The following NEK1 variants were observed in gnomAD, a reference collection of about 807,000 sequenced individuals.
The protein encoded by NEK1 is NIMA related kinase 1.
A neutral mutation model predicts 182.1 loss-of-function variants in NEK1; 137 were observed. The ratio of observed to expected loss-of-function variants is 0.75; its 90% CI spans 0.65 to 0.87. The LOEUF (loss-of-function observed/expected upper bound fraction) is 0.87. Among genes scored for constraint, NEK1 ranks in the 40% least tolerant of loss-of-function variants. NEK1 has a pLI of 0.00. For missense variants in NEK1, 1,391 were observed against 1,494.4 expected (o/e 0.93, Z 1.14); for synonymous variants, 513 against 492.2 (o/e 1.04, Z -0.56).
At chr4:169,426,090 G>C in intron 30 of NEK1, 56 bp downstream of exon 30, 1 of 1,291,940 alleles carries the variant, frequency 7.7e-7, no homozygotes, top group South Asian at 1.3e-5. Flanking sequence ...ACAGGTTGAT[G>C]TTAATAATCA....
Position 169,497,133 on chromosome 4 carries a change from G to A in NEK1, c.2007+9904C>T, listed in dbSNP as rs975347128. 2.0e-5 allele frequency among the ~76,000 whole-genome samples: 3 copies of A among 152,230 alleles called. No homozygotes were observed. The South Asian group carries it at 6.2e-4, about 32-fold the overall frequency. On this transcript the variant is annotated intron_variant, in intron 23 of 35. Coordinates refer to ENST00000507142, the MANE Select transcript of NEK1 (RefSeq NM_001199397.3). ...CAACTTCTTCCTGGTTTAGTCTTGG[G>A]AGGGTGTATGTGTCGAGGAATTTAT...
chr4:169,606,121 T>A (rs938993598), intron 2 of NEK1, among the ~76,000 whole-genome samples: 1 of 151,686 alleles, frequency 6.6e-6, no homozygotes. Context: ...CTGTTTAGAA[T>A]TGTACTCTTA....
chr4:169,524,461 CA>C (rs953408098), intron 19 of NEK1, among the ~76,000 whole-genome samples: 1,433 of 50,592 alleles, frequency 0.028, 11 homozygotes, highest in African/African-American at 0.053. Context: ...AATTCCATCT[CA>C]AAAAAAAAAA....
In NEK1 at chr4:169,433,403, A is replaced by G. The variant is rs75739350; in HGVS notation, c.2885+142T>C. 843 of 759,590 alleles carry G rather than the reference A, an allele frequency of 1.1e-3. 9 individuals carry two copies. In the African/African-American group the frequency reaches 0.014, roughly 12 times the overall value. The allele number at this position is 759,590 out of a possible 1,614,324, so 47.1% of individuals were successfully genotyped here. A position where few individuals can be genotyped will look rare whatever the true frequency, so the allele number is the denominator to read the frequency against. The stretch of plus-strand genomic sequence containing the variant: ...ACTTGTTTATTTCTGAACCATATGA[A>G]TATCTATTCAAATTAAGTTCCTTTT... On this transcript the variant is annotated intron_variant, in intron 29 of 35. Transcript: ENST00000507142.
chr4:169,561,727 A>G lies in NEK1; in HGVS notation c.1151T>C (p.Leu384Ser), dbSNP rs1261116806. The G allele has an allele frequency of 1.3e-6, 2 of 1,576,450 alleles. No individual in the cohort carries two copies. The highest frequency in any genetic ancestry group is 1.7e-6 in the Non-Finnish European group (2 of 1,159,042). ...CCTTTTCATTTGTTCAGCCTTCATTAAACTAATAATCTGTAACAATTTTAA... is the reference window on the plus strand; with the variant it reads ...CCTTTTCATTTGTTCAGCCTTCATTGAACTAATAATCTGTAACAATTTTAA... Reference protein sequence around the residue: ...EKKQKDQIISLMKAEQMKRQE... With the variant: ...EKKQKDQIISSMKAEQMKRQE... Residue 384 changes from leucine to serine, a missense_variant, in exon 15 of 36, where the codon TTA becomes TCA. Around this residue, in one of 5 missense-constraint regions of NEK1, gnomAD observed 1,216 missense variants for 1,277.6 expected, o/e 0.95. Coordinates refer to ENST00000507142, the MANE Select transcript of NEK1 (RefSeq NM_001199397.3).
rs749428135 is a variant in NEK1 at position 169,477,124 on chromosome 4, T to A, written c.2434A>T (p.Arg812Ter). The A allele has an allele frequency of 1.9e-6, 3 of 1,578,990 alleles. No individual in the cohort carries two copies. The highest frequency in any genetic ancestry group is 1.7e-6 in the Non-Finnish European group (2 of 1,157,840). The part of the protein sequence containing the change: ...TLDTSFSTTE[R>*]HTVGEVIKLG... ...GATATTAATATACTACTATACATACTTTCAGTTGTAGAGAAGGATGTATCT... is the reference window on the plus strand; with the variant it reads ...GATATTAATATACTACTATACATACATTCAGTTGTAGAGAAGGATGTATCT... Residue 812 changes from arginine to a stop codon, truncating the protein, a stop_gained and splice_region_variant, in exon 26 of 36, where the codon AGA becomes TGA. Coordinates refer to ENST00000507142, the MANE Select transcript of NEK1 (RefSeq NM_001199397.3). LOFTEE classifies it high-confidence loss of function.
chr4:169,556,104 T>C lies in NEK1; in HGVS notation c.1267-9A>G. On this transcript the variant is annotated splice_polypyrimidine_tract_variant and intron_variant, in intron 16 of 35. Transcript: ENST00000507142. ...CTGCCCAGAAAAGGAGCCTAGGGAT[T>C]AAACAAAGAGCTCTCACATGTTTAT... 2 of 1,608,126 alleles carry C rather than the reference T, an allele frequency of 1.2e-6. No individual in the cohort carries two copies. Among genetic ancestry groups the C allele is most frequent in the Non-Finnish European group, 1.7e-6 (2 of 1,177,494 alleles).
At chr4:169,588,940 C>T (rs771820662) in intron 7 of NEK1, among the ~76,000 whole-genome samples, 2 of 151,950 alleles carry the variant, frequency 1.3e-5, no homozygotes, top group African/African-American at 4.8e-5. Context: ...TTAGTATAGC[C>T]GAAGTGTACA....
At chr4:169,533,002 C>T (rs1757919305) in intron 19 of NEK1, among the ~76,000 whole-genome samples, 1 of 152,052 alleles carries the variant, frequency 6.6e-6, no homozygotes. Context: ...TCTACTTAGT[C>T]TAATCTACTG....
At chr4:169,491,434 A>T (rs899712588) in intron 23 of NEK1, among the ~76,000 whole-genome samples, 9 of 152,186 alleles carry the variant, frequency 5.9e-5, no homozygotes, top group African/African-American at 2.2e-4. Flanking sequence ...GAAATCTTGC[A>T]GGTCAGGAGA....
chr4:169,396,295 G>C (rs1418754000), intron 35 of NEK1, among the ~76,000 whole-genome samples: 1 of 144,698 alleles, frequency 6.9e-6, no homozygotes, highest in Non-Finnish European at 1.5e-5. Flanking sequence ...GAACCTGGGA[G>C]GCAGAGGTTG....
chr4:169,577,514 TC>T (rs1296097036), intron 11 of NEK1, among the ~76,000 whole-genome samples: 1 of 152,154 alleles, frequency 6.6e-6, no homozygotes, highest in Non-Finnish European at 1.5e-5. Context: ...ACGCCTGTAA[TC>T]CCAGCACTTT....
At chr4:169,535,177 G>T (rs921278496) in intron 19 of NEK1, among the ~76,000 whole-genome samples, 4 of 151,818 alleles carry the variant, frequency 2.6e-5, no homozygotes, top group Admixed American at 2.6e-4. Flanking sequence ...AAAAAAATTA[G>T]CCGGCTATGG....
chr4:169,467,317 G>A (rs528914695), intron 26 of NEK1, among the ~76,000 whole-genome samples: 19 of 152,010 alleles, frequency 1.2e-4, no homozygotes, highest in East Asian at 5.8e-4. Flanking sequence ...CCCAACCCCC[G>A]TATTATTCAA....
intron 16 of NEK1, among the ~76,000 whole-genome samples, chr4:169,556,772 T>C (rs1349409253): frequency 3.3e-5 from 5 of 151,512 alleles, no homozygotes; most frequent in Admixed American, 6.6e-5. Flanking sequence ...GTAAAATCCT[T>C]ATTTAGAAAA....
At chr4:169,484,512 G>T (rs1398108739) in intron 23 of NEK1, among the ~76,000 whole-genome samples, 1 of 151,848 alleles carries the variant, frequency 6.6e-6, no homozygotes, top group African/African-American at 2.4e-5. Flanking sequence ...TTCTCTGAGG[G>T]GACTGTAAAT....
At position 169,477,446 on chromosome 4, in the gene NEK1, TG is replaced by T. The variant is rs746591648; in HGVS notation, c.2190del (p.Asn731ThrfsTer14). 2.5e-6 allele frequency: 4 copies of T among 1,606,752 alleles called. No homozygotes were observed. The Admixed American group carries it at 5.0e-5, about 20-fold the overall frequency. On this transcript the variant is annotated frameshift_variant, in exon 25 of 36. Transcript: ENST00000507142. LOFTEE classifies it high-confidence loss of function. Reference sequence around the variant, plus strand: ...ATTTTACTTACTGAAATAGCATTGTTGGTCTTTTGCATCTCTTCTGAAGTTT... The same window carrying T: ...ATTTTACTTACTGAAATAGCATTGTTGTCTTTTGCATCTCTTCTGAAGTTT... The part of the protein sequence containing the change: ...TRETSEEMQK[T>X]NNAISSKREI...
chr4:169,583,949 A>C (rs1001418741), intron 10 of NEK1, among the ~76,000 whole-genome samples: 1 of 152,244 alleles, frequency 6.6e-6, no homozygotes, highest in Non-Finnish European at 1.5e-5. Flanking sequence ...TCAGAAGGAT[A>C]TATGATACTT....
At chr4:169,402,270 G>A (rs1052938967) in intron 32 of NEK1, among the ~76,000 whole-genome samples, 1 of 152,142 alleles carries the variant, frequency 6.6e-6, no homozygotes, top group African/African-American at 2.4e-5. Context: ...ATGGAATTTT[G>A]TAATTTTCAA....
Sources: gnomAD v4.1 joint callset for allele counts (sites outside exome capture counted in the v4.1 genomes callset) on GRCh38, gnomAD v4.1.1 for gene constraint, gnomAD v4.1.1 regional missense constraint, MANE v1.5 for transcripts, NCBI Gene and HGNC (gene_info 2026-07-23, HGNC 2026-07-21) for gene names.